EXOC4: variants seen among roughly 807,000 people sequenced by gnomAD.
The protein encoded by EXOC4 is SEC8-like 1.
In EXOC4, 71 loss-of-function variants were observed where a neutral mutation model predicts 107.2. The observed-to-expected ratio is 0.66, with a 90% CI of 0.55 to 0.81. The LOEUF is 0.81. Ranked by LOEUF, EXOC4 falls within the 30% of genes least tolerant of loss-of-function variation. The pLI, the probability that EXOC4 is intolerant of heterozygous loss-of-function variation, is 0.00. For synonymous variants in EXOC4, 456 were observed against 441.2 expected (o/e 1.03, Z -0.42); for missense variants, 1,108 against 1,189.6 (o/e 0.93, Z 1.01).
At chr7:133,519,772 G>C (rs566356568) in intron 9 of EXOC4, among the ~76,000 whole-genome samples, 3 of 152,186 alleles carry the variant, frequency 2.0e-5, no homozygotes, top group Non-Finnish European at 4.4e-5. Flanking sequence ...CCGTTAGGAA[G>C]TTTTCAGATG....
chr7:133,367,409 C>T (rs566796905), intron 6 of EXOC4, among the ~76,000 whole-genome samples: 85 of 152,172 alleles, frequency 5.6e-4, no homozygotes, highest in African/African-American at 1.8e-3. Flanking sequence ...ACAAGTGCCG[C>T]GGCTATTTGA....
intron 7 of EXOC4, among the ~76,000 whole-genome samples, chr7:133,460,073 G>A (rs2150822837): frequency 6.6e-6 from 1 of 152,274 alleles, no homozygotes; most frequent in South Asian, 2.1e-4. Flanking sequence ...TGGCATCAGG[G>A]ACCAGTTTCA....
intron 11 of EXOC4, among the ~76,000 whole-genome samples, chr7:133,826,374 A>T (rs939733329): frequency 4.6e-5 from 7 of 152,150 alleles, no homozygotes; most frequent in African/African-American, 1.4e-4. Context: ...ACATTTCATC[A>T]TGGTGAGGTG....
intron 10 of EXOC4, among the ~76,000 whole-genome samples, chr7:133,721,513 A>G (rs892043420): frequency 1.3e-5 from 2 of 152,218 alleles, no homozygotes; most frequent in Admixed American, 1.3e-4. Context: ...CATTAGACAT[A>G]GGCCAGTTTA....
intron 15 of EXOC4, among the ~76,000 whole-genome samples, chr7:134,002,061 G>A (rs1187991646): frequency 6.6e-6 from 1 of 152,178 alleles, no homozygotes; most frequent in Non-Finnish European, 1.5e-5. Flanking sequence ...TCCAGAGTTG[G>A]TCAACTTTCA....
chr7:133,897,988 T>A (rs1426444795), intron 12 of EXOC4, among the ~76,000 whole-genome samples: 1 of 151,872 alleles, frequency 6.6e-6, no homozygotes, highest in African/African-American at 2.4e-5. Context: ...GAGCAACATC[T>A]CCCCACCTCA....
chr7:133,460,616 A>T (rs1056485021), intron 7 of EXOC4, among the ~76,000 whole-genome samples: 2 of 152,058 alleles, frequency 1.3e-5, no homozygotes. Context: ...ATAAAATAGT[A>T]TTACTTTTTG....
chr7:133,324,604 A>G (rs1221830470), intron 5 of EXOC4, among the ~76,000 whole-genome samples: 1 of 152,060 alleles, frequency 6.6e-6, no homozygotes, highest in South Asian at 2.1e-4. Context: ...TTCTTTTACA[A>G]TTGCTGAGGA....
intron 14 of EXOC4, among the ~76,000 whole-genome samples, chr7:133,984,952 A>G (rs1446255659): frequency 2.0e-5 from 3 of 152,190 alleles, no homozygotes; most frequent in Non-Finnish European, 4.4e-5. Flanking sequence ...TTTCATAGAG[A>G]TGAAAACGTC....
chr7:133,777,630 C>T (rs1050156444), intron 10 of EXOC4, among the ~76,000 whole-genome samples: 10 of 152,232 alleles, frequency 6.6e-5, no homozygotes, highest in East Asian at 3.9e-4. Context: ...AACATAGATG[C>T]GAGATGGCAG....
intron 9 of EXOC4, among the ~76,000 whole-genome samples, chr7:133,549,402 T>A (rs1010884245): frequency 2.0e-5 from 3 of 152,096 alleles, no homozygotes; most frequent in Non-Finnish European, 4.4e-5. Flanking sequence ...CTCTGTGAAT[T>A]GGGAAGCCGG....
chr7:133,736,170 C>G (rs1795440989), intron 10 of EXOC4, among the ~76,000 whole-genome samples: 1 of 152,164 alleles, frequency 6.6e-6, no homozygotes, highest in Admixed American at 6.5e-5. Context: ...TCTCCTTATC[C>G]TAAAGAAACC....
intron 10 of EXOC4, among the ~76,000 whole-genome samples, chr7:133,796,706 C>A (rs1392351132): frequency 6.6e-6 from 1 of 152,068 alleles, no homozygotes; most frequent in African/African-American, 2.4e-5. Flanking sequence ...TGCAGTGAGC[C>A]GAGATCGCGC....
intron 8 of EXOC4, among the ~76,000 whole-genome samples, chr7:133,476,912 C>T (rs887865136): frequency 4.6e-5 from 7 of 152,262 alleles, no homozygotes; most frequent in Admixed American, 6.5e-5. Flanking sequence ...ATTGCGATCA[C>T]GAGGTGTATC....
At chr7:133,516,553 C>T (rs978946839) in intron 9 of EXOC4, among the ~76,000 whole-genome samples, 10 of 152,006 alleles carry the variant, frequency 6.6e-5, no homozygotes, top group African/African-American at 2.4e-4. Flanking sequence ...GTTGTATGGA[C>T]ATTTTATATA....
intron 17 of EXOC4, among the ~76,000 whole-genome samples, chr7:134,016,295 T>C (rs1406953091): frequency 1.3e-5 from 2 of 152,040 alleles, no homozygotes; most frequent in Non-Finnish European, 2.9e-5. Flanking sequence ...TTTAAAACCA[T>C]TAACGGAGAT....
chr7:133,979,694 A>G (rs1793931369), intron 14 of EXOC4, among the ~76,000 whole-genome samples: 2 of 152,050 alleles, frequency 1.3e-5, no homozygotes, highest in Non-Finnish European at 2.9e-5. Flanking sequence ...AGGCTGAGGC[A>G]GGAGAATGGC....
intron 12 of EXOC4, among the ~76,000 whole-genome samples, chr7:133,914,655 A>T (rs1331025440): frequency 6.7e-6 from 1 of 149,878 alleles, no homozygotes; most frequent in African/African-American, 2.5e-5. Flanking sequence ...GGAAAAAAAA[A>T]TTACAAACCT....
At position 133,589,671 on chromosome 7, in the gene EXOC4, G is replaced by T. The variant is rs187261196; in HGVS notation, c.1418-40374G>T. ...CTGAACCAGATGGGATGTCTACGAT[G>T]TTGGCTATTGTGTGTGCTGTTCATT... On this transcript the variant is annotated intron_variant, in intron 9 of 17. Transcript: ENST00000253861. 2.6e-5 allele frequency among the ~76,000 whole-genome samples: 4 copies of T among 152,292 alleles called. No individual in the cohort carries two copies. The East Asian group carries it at 7.7e-4, about 29-fold the overall frequency.
Sources: allele counts gnomAD v4.1 joint callset (sites outside exome capture counted in the v4.1 genomes callset), GRCh38; gene constraint gnomAD v4.1.1; transcripts MANE v1.5; gene names NCBI Gene and HGNC (gene_info 2026-07-23, HGNC 2026-07-21).